PATL1: variants seen among roughly 807,000 people sequenced by gnomAD.
The protein encoded by PATL1 is protein PAT1 homolog 1.
A neutral mutation model predicts 100.6 loss-of-function variants in PATL1; 32 were observed. The observed-to-expected ratio is 0.32, with a 90% CI of 0.24 to 0.43. PATL1 has a LOEUF of 0.43. PATL1 is among the 20% of genes least tolerant of loss of function. The probability of loss-of-function intolerance (pLI) is 1.00; values close to 1 mark genes in which losing one functional copy is unlikely to be tolerated. For missense variants in PATL1, 747 were observed against 949.9 expected, an observed-to-expected ratio of 0.79 and a Z score of 2.81; for synonymous variants, 332 against 330.0, an observed-to-expected ratio of 1.01 and a Z score of -0.07.
At position 59,642,942 on chromosome 11, in the gene PATL1, G is replaced by T; in HGVS notation, c.1987C>A (p.Pro663Thr). Residue 663 changes from proline (P) to threonine (T), a missense_variant, in exon 16 of 19, where the codon CCT becomes ACT. Pro to Thr is a conservative substitution (Grantham distance 38). Around this residue, in one of 4 missense-constraint regions of PATL1, gnomAD observed 434 missense variants for 596.1 expected, o/e 0.73. Coordinates refer to ENST00000300146, the MANE Select transcript of PATL1 (RefSeq NM_152716.3). ...AGTGCTGGTGTAGCTGCACTTTGAG[G>T]TAGGTTCATTAGCTGTCGCAAAAGG... ...TSLLRQLMNL[P>T]QSAATPALSN... 6.2e-7 allele frequency: 1 copy of T among 1,613,982 alleles called. No individual in the cohort carries two copies. Among genetic ancestry groups the T allele is most frequent in the Non-Finnish European group, 8.5e-7 (1 of 1,179,882 alleles).
chr11:59,646,279 T>C (rs1335914052), intron 15 of PATL1, among the ~76,000 whole-genome samples: 1 of 85,916 alleles, frequency 1.2e-5, no homozygotes, highest in Non-Finnish European at 2.1e-5. Context: ...ATTTGTGGAA[T>C]TTTTTTTTTT....
chr11:59,643,094 C>T, intron 15 of PATL1, 59 bp from the exon 16 acceptor site: 10 of 1,553,436 alleles, frequency 6.4e-6, no homozygotes, highest in Non-Finnish European at 8.8e-6. Flanking sequence ...TTACCCCCCA[C>T]CAGGGGCATG....
In PATL1 at chr11:59,643,057, A is replaced by G. The variant is rs767399020; in HGVS notation, c.1894-22T>C. ...GCACCTACAAAAAACAAATAAAAGC[A>G]TTATATCCTGGCACGTGTTACTTCA... On this transcript the variant is annotated intron_variant, in intron 15 of 18. Coordinates refer to ENST00000300146, the MANE Select transcript of PATL1 (RefSeq NM_152716.3). The G allele has an allele frequency of 1.9e-6, 3 of 1,611,424 alleles. 1 individual carries two copies. The highest frequency in any genetic ancestry group is 1.7e-6 in the Non-Finnish European group (2 of 1,178,288).
Position 59,656,577 on chromosome 11 carries a change from A to G in PATL1, c.645T>C (p.His215=). The G allele has an allele frequency of 3.1e-6, 5 of 1,614,002 alleles. No individual in the cohort carries two copies. The highest frequency in any genetic ancestry group is 3.4e-6 in the Non-Finnish European group (4 of 1,179,890). The change falls in exon 6 of 19, where the codon CAT becomes CAC. Residue 215 remains histidine, a synonymous_variant. Transcript: ENST00000300146. The part of the protein sequence containing the change: ...TQQILCPKPV[H]VRPPMPPRYP... ...AACGAGGTGGCATTGGGGGCCGAAC[A>G]TGGACAGGCTTCGGACACAGAATCT...
In PATL1 at chr11:59,650,814, C is replaced by T; in HGVS notation, c.1525-1G>A. ...CTCGAACTTGTTTTTCTTTTGTCTC[C>T]TAAAAAAGAGAAGACTATTCAATGC... is the stretch of plus-strand genomic sequence containing the variant. On this transcript the variant is annotated splice_acceptor_variant, in intron 12 of 18. Transcript: ENST00000300146. LOFTEE classifies it high-confidence loss of function. The T allele has an allele frequency of 6.5e-7, 1 of 1,545,976 alleles. No homozygotes were observed. Among genetic ancestry groups the T allele is most frequent in the East Asian group, 2.4e-5 (1 of 42,396 alleles).
chr11:59,644,545 CTT>C (rs1861333384), intron 15 of PATL1, among the ~76,000 whole-genome samples: 2 of 152,066 alleles, frequency 1.3e-5, no homozygotes, highest in African/African-American at 2.4e-5. Flanking sequence ...GCCCTTTTCT[CTT>C]GTTATTTATC....
chr11:59,642,623 A>G, intron 16 of PATL1: 2 of 329,670 alleles, frequency 6.1e-6, no homozygotes, highest in Non-Finnish European at 1.1e-5. Context: ...AGAATGGCAG[A>G]GGAAAAAAAG....
chr11:59,653,696 C>CTCCCTGAAATGTTTT (rs1401917773), intron 9 of PATL1, among the ~76,000 whole-genome samples: 2 of 152,120 alleles, frequency 1.3e-5, no homozygotes, highest in Non-Finnish European at 2.9e-5. Flanking sequence ...TGGATGTATC[C>CTCCCTGAAATGTTTT]TCCCTGAAAT....
At chr11:59,645,456 G>A (rs1387722295) in intron 15 of PATL1, among the ~76,000 whole-genome samples, 4 of 149,202 alleles carry the variant, frequency 2.7e-5, no homozygotes, top group Admixed American at 1.3e-4. Flanking sequence ...CTTCTCTGTT[G>A]AGGCTTGCAA....
chr11:59,645,549 T>G (rs1861352702), intron 15 of PATL1, among the ~76,000 whole-genome samples: 1 of 151,950 alleles, frequency 6.6e-6, no homozygotes, highest in Non-Finnish European at 1.5e-5. Flanking sequence ...TTATCAACTC[T>G]CTGATTACCA....
intron 5 of PATL1, 76 bp downstream of exon 5, chr11:59,657,454 C>T: frequency 6.0e-6 from 8 of 1,331,562 alleles, no homozygotes; most frequent in Non-Finnish European, 8.0e-6. Flanking sequence ...ACCCTCCACC[C>T]AACATCACCA....
At position 59,668,878 on chromosome 11, in the gene PATL1, C is replaced by T; in HGVS notation, c.15+3G>A. Reference sequence around the variant, plus strand: ...GGGGTCACTTCCGGTCGCAACAGCTCACCTCGTAGCGGAACATTCTTGGGG... The same window carrying T: ...GGGGTCACTTCCGGTCGCAACAGCTTACCTCGTAGCGGAACATTCTTGGGG... On this transcript the variant is annotated splice_donor_region_variant and intron_variant, in intron 1 of 18. Transcript: ENST00000300146. 1.6e-6 allele frequency: 2 copies of T among 1,285,538 alleles called. No individual in the cohort carries two copies. Among genetic ancestry groups the T allele is most frequent in the East Asian group, 3.1e-5 (1 of 31,812 alleles). The allele number at this position is 1,285,538 out of a possible 1,614,324, so 79.6% of individuals were successfully genotyped here.
intron 4 of PATL1, among the ~76,000 whole-genome samples, chr11:59,658,395 A>G (rs1861571437): frequency 6.6e-6 from 1 of 151,012 alleles, no homozygotes; most frequent in African/African-American, 2.4e-5. Flanking sequence ...TTGCCTTACT[A>G]CAACTTCCGC....
rs1390996080 is a variant in PATL1, at chr11:59,665,695, A to G, written c.127+1158T>C. 2.0e-5 allele frequency among the ~76,000 whole-genome samples: 3 copies of G among 152,164 alleles called. No homozygotes were observed. The East Asian group carries it at 5.8e-4, about 29-fold the overall frequency. The stretch of plus-strand genomic sequence containing the variant: ...CAGCTACTTGGGAGGCTGAGACAGG[A>G]GAACTGCTTGAACTGGGGAGGCAGA... On this transcript the variant is annotated intron_variant, in intron 2 of 18. Transcript: ENST00000300146.
At chr11:59,649,725 G>C in intron 13 of PATL1, 115 bp from the exon 14 acceptor site, 3 of 1,115,896 alleles carry the variant, frequency 2.7e-6, no homozygotes, top group South Asian at 3.9e-5. Flanking sequence ...TAGAAAGACT[G>C]AGATTTTTTT....
At chr11:59,643,775 A>G (rs1184608155) in intron 15 of PATL1, among the ~76,000 whole-genome samples, 1 of 152,148 alleles carries the variant, frequency 6.6e-6, no homozygotes, top group South Asian at 2.1e-4. Flanking sequence ...ATAATTAGCC[A>G]ATTTTTATAG....
chr11:59,645,936 TAAAACATACAGGTA>T (rs573429979), intron 15 of PATL1, among the ~76,000 whole-genome samples: 3 of 152,314 alleles, frequency 2.0e-5, no homozygotes, highest in Admixed American at 2.0e-4. Flanking sequence ...TATTACTCCT[TAAAACATACAGGTA>T]AAAATCAGCC....
chr11:59,659,193 C>T (rs1861592674), intron 3 of PATL1, 59 bp downstream of exon 3: 1 of 1,424,314 alleles, frequency 7.0e-7, no homozygotes, highest in African/African-American at 1.4e-5. Context: ...TGGCAAAGTT[C>T]AATACTTCAC....
intron 5 of PATL1, among the ~76,000 whole-genome samples, chr11:59,657,291 TA>T (rs1488873731): frequency 6.6e-6 from 1 of 152,256 alleles, no homozygotes; most frequent in East Asian, 1.9e-4. Context: ...ATATATGTGC[TA>T]AATGTGGCTA....
Sources: gnomAD v4.1 joint callset for allele counts (sites outside exome capture counted in the v4.1 genomes callset) on GRCh38, gnomAD v4.1.1 for gene constraint, gnomAD v4.1.1 regional missense constraint, MANE v1.5 for transcripts, NCBI Gene and HGNC (gene_info 2026-07-23, HGNC 2026-07-21) for gene names.